PSMG4: variants seen among roughly 807,000 people sequenced by gnomAD.
PSMG4 encodes the protein proteasome (prosome, macropain) assembly chaperone 4.
In PSMG4, 10 loss-of-function variants were observed where a neutral mutation model predicts 11.0. That is an observed-to-expected ratio of 0.91 (90% confidence interval 0.56 to 1.54). The LOEUF (loss-of-function observed/expected upper bound fraction) is 1.54, where lower values mean the gene tolerates loss of function less well. Ranked by LOEUF, PSMG4 falls within the 40% of genes most tolerant of loss-of-function variation. The probability of loss-of-function intolerance (pLI) is 0.00; values close to 1 mark genes in which losing one functional copy is unlikely to be tolerated. For synonymous variants in PSMG4, 95 were observed against 71.3 expected, an observed-to-expected ratio of 1.33 and a Z score of -1.68; for missense variants, 198 against 160.9, an observed-to-expected ratio of 1.23 and a Z score of -1.25.
chr6:3,255,117 A>G (rs759491434), upstream of PSMG4: 56 of 1,550,984 alleles, frequency 3.6e-5, 1 homozygote, highest in South Asian at 4.2e-4. Flanking sequence ...CAACATCACC[A>G]GCTTACCACG....
chr6:3,255,065 G>A (rs751505618), upstream of PSMG4: 42 of 1,550,834 alleles, frequency 2.7e-5, no homozygotes, highest in South Asian at 1.4e-4. Flanking sequence ...AAACACACTT[G>A]GAATATGCTT....
In PSMG4 at chr6:3,263,287, G is replaced by A. The variant is rs543217193; in HGVS notation, c.175-397G>A. On this transcript the variant is annotated intron_variant, in intron 1 of 2. Transcript: ENST00000438998. ...CTCTGAGCCAGCTGCTGTGGGGCAC[G>A]AGGCACCAGTGCACAGGTGCCCCGA... 4.6e-5 allele frequency among the ~76,000 whole-genome samples: 7 copies of A among 152,380 alleles called. No homozygotes were observed. The East Asian group carries it at 7.7e-4, about 17-fold the overall frequency.
chr6:3,255,026 T>A, upstream of PSMG4: 1 of 1,549,068 alleles, frequency 6.5e-7, no homozygotes, highest in Non-Finnish European at 8.7e-7. Flanking sequence ...GCTGGGATAA[T>A]GGCGCTTTCT....
chr6:3,255,665 TAA>T (rs767984185), upstream of PSMG4, among the ~76,000 whole-genome samples: 6 of 152,186 alleles, frequency 3.9e-5, no homozygotes, highest in Non-Finnish European at 8.8e-5. Context: ...CCGAGAGCCT[TAA>T]GTGATTTGTA....
At position 3,259,152 on chromosome 6, in the gene PSMG4, A is replaced by T. The variant is rs1052745854; in HGVS notation, c.130A>T (p.Thr44Ser). ...TDSLFLWVGA[T>S]PHLRNLAVAM... ...CTCGCTGTTCCTGTGGGTGGGGGCC[A>T]CGCCGCACCTGCGCAACCTCGCCGT... is the stretch of plus-strand genomic sequence containing the variant. The change falls in exon 1 of 3, where the codon ACG becomes TCG. Residue 44 changes from threonine (T) to serine (S), a missense_variant. By Grantham distance (58) the Thr-to-Ser change is moderately conservative. Coordinates refer to ENST00000438998, the MANE Select transcript of PSMG4 (RefSeq NM_001128591.2). The T allele has an allele frequency of 7.7e-7, 1 of 1,305,096 alleles. No individual in the cohort carries two copies. 80.8% of individuals were successfully genotyped at this position (1,305,096 alleles called of 1,614,324 possible).
At chr6:3,264,672 T>C (rs1758117570) in intron 2 of PSMG4, 1 of 193,916 alleles carries the variant, frequency 5.2e-6, no homozygotes, top group Admixed American at 6.1e-5. Flanking sequence ...TTCCCTCCCT[T>C]GGAGGTGGGG....
intron 1 of PSMG4, among the ~76,000 whole-genome samples, 194 bp downstream of exon 1, chr6:3,259,390 C>T (rs1051577731): frequency 6.6e-6 from 1 of 152,182 alleles, no homozygotes; most frequent in Non-Finnish European, 1.5e-5. Context: ...GCGCGGGCCC[C>T]GGGCCCCTCT....
upstream of PSMG4, among the ~76,000 whole-genome samples, chr6:3,256,471 C>T (rs906400086): frequency 1.3e-5 from 2 of 152,210 alleles, no homozygotes; most frequent in East Asian, 1.9e-4. Context: ...AATGTTGCAT[C>T]TTCCTCCTCC....
intron 1 of PSMG4, among the ~76,000 whole-genome samples, 153 bp from the exon 2 acceptor site, chr6:3,263,531 C>A (rs986396764): frequency 6.6e-6 from 1 of 152,224 alleles, no homozygotes; most frequent in African/African-American, 2.4e-5. Context: ...TGGTTGTTGA[C>A]GGACGCCACC....
chr6:3,267,823 T>A lies in PSMG4; in HGVS notation c.*111T>A. 1 of 1,144,654 alleles carries A rather than the reference T, an allele frequency of 8.7e-7. No homozygotes were observed. Among genetic ancestry groups the A allele is most frequent in the African/African-American group, 1.6e-5 (1 of 64,278 alleles). The allele number at this position is 1,144,654 out of a possible 1,614,324, so 70.9% of individuals were successfully genotyped here. A position where few individuals can be genotyped will look rare whatever the true frequency, so the allele number is the denominator to read the frequency against. ...CGCTCCCGTTTTGTTTTTAAGGGGT[T>A]AATCTTTTGAGCTTCCTTCTCAGCA... On this transcript the variant is annotated 3_prime_UTR_variant, in exon 3 of 3. Transcript: ENST00000438998.
At chr6:3,260,283 A>ATTT (rs1561840875) in intron 1 of PSMG4, among the ~76,000 whole-genome samples, 7 of 30,210 alleles carry the variant, frequency 2.3e-4, no homozygotes, top group African/African-American at 7.8e-4. Flanking sequence ...AATTGTATAT[A>ATTT]TATATATATT....
chr6:3,255,092 G>A (rs747491822), upstream of PSMG4: 14 of 1,550,828 alleles, frequency 9.0e-6, no homozygotes, highest in East Asian at 2.4e-5. Flanking sequence ...CTAAGAAGTT[G>A]GCTGCATAGG....
At chr6:3,261,774 T>G (rs11242841) in intron 1 of PSMG4, among the ~76,000 whole-genome samples, 2 of 151,782 alleles carry the variant, frequency 1.3e-5, no homozygotes, top group Admixed American at 6.6e-5. Context: ...ACTGTCCACC[T>G]GTGACCCGTG....
At chr6:3,255,173 A>G (rs924296627), upstream of PSMG4, 60 of 1,550,642 alleles carry the variant, frequency 3.9e-5, no homozygotes, top group Admixed American at 1.4e-4. Flanking sequence ...GACGGCTTAC[A>G]TGTGCGCTCT....
chr6:3,254,675 C>G (rs116132210), upstream of PSMG4, among the ~76,000 whole-genome samples: 1 of 152,072 alleles, frequency 6.6e-6, no homozygotes, highest in Non-Finnish European at 1.5e-5. Context: ...AGCTGCGAAA[C>G]CACTAAACTC....
intron 2 of PSMG4, chr6:3,265,148 A>G (rs9501966): frequency 0.86 from 131,230 of 152,006 alleles, 56,814 homozygotes; most frequent in African/African-American, 0.88. Flanking sequence ...CGACTGTCTC[A>G]ACAAGTCACG....
At chr6:3,263,288 A>G (rs1190580240) in intron 1 of PSMG4, among the ~76,000 whole-genome samples, 1 of 152,244 alleles carries the variant, frequency 6.6e-6, no homozygotes, top group Non-Finnish European at 1.5e-5. Context: ...GTGGGGCACG[A>G]GGCACCAGTG....
chr6:3,254,435 C>G (rs78455263), upstream of PSMG4, among the ~76,000 whole-genome samples: 937 of 128,046 alleles, frequency 7.3e-3, 2 homozygotes, highest in Non-Finnish European at 9.9e-3. Context: ...TGGCTTTGTG[C>G]TGTAATAGTT....
intron 1 of PSMG4, among the ~76,000 whole-genome samples, chr6:3,261,387 C>G (rs1757985426): frequency 6.6e-6 from 1 of 152,092 alleles, no homozygotes; most frequent in Non-Finnish European, 1.5e-5. Flanking sequence ...GTGGGCAGGG[C>G]TTTGGGCACT....
Sources: allele counts gnomAD v4.1 joint callset (sites outside exome capture counted in the v4.1 genomes callset), GRCh38; gene constraint gnomAD v4.1.1; transcripts MANE v1.5; gene names NCBI Gene and HGNC (gene_info 2026-07-23, HGNC 2026-07-21).